CACNA1B: variants seen among roughly 807,000 people sequenced by gnomAD.
CACNA1B encodes voltage-dependent N-type calcium channel subunit alpha-1B.
A neutral mutation model predicts 247.2 loss-of-function variants in CACNA1B; 70 were observed. That is an observed-to-expected ratio of 0.28 (90% confidence interval 0.23 to 0.35). The LOEUF is 0.35. Ranked by LOEUF, CACNA1B falls within the 10% of genes least tolerant of loss-of-function variation. CACNA1B has a pLI of 1.00. For missense variants in CACNA1B, 2,367 were observed against 3,197.4 expected (o/e 0.74, Z 6.26); for synonymous variants, 1,231 against 1,294.4 (o/e 0.95, Z 1.05).
At chr9:138,044,946 GAC>G (rs1959170200) in intron 21 of CACNA1B, among the ~76,000 whole-genome samples, 1 of 152,234 alleles carries the variant, frequency 6.6e-6, no homozygotes, top group African/African-American at 2.4e-5. Flanking sequence ...TGTCAGGACT[GAC>G]AGTGCAGTGG....
At chr9:137,949,087 GTGGT>G (rs1957837555) in intron 6 of CACNA1B, among the ~76,000 whole-genome samples, 3 of 14,166 alleles carry the variant, frequency 2.1e-4, no homozygotes, top group East Asian at 1.9e-3. Context: ...TGGTGTGTGT[GTGGT>G]GTGTGCATGT....
chr9:138,001,252 A>C (rs1958573277), intron 15 of CACNA1B, among the ~76,000 whole-genome samples: 1 of 152,246 alleles, frequency 6.6e-6, no homozygotes, highest in South Asian at 2.1e-4. Flanking sequence ...GATAAAAAAA[A>C]GTCATACTAA....
chr9:137,879,176 G>T lies in CACNA1B; in HGVS notation c.390+17G>T. Reference sequence around the variant, plus strand: ...GAGCGGCTGGTGAGTGCCCGGCTGGGCCTGAGGGCAGGGTGGTGGGGAGGC... The same window carrying T: ...GAGCGGCTGGTGAGTGCCCGGCTGGTCCTGAGGGCAGGGTGGTGGGGAGGC... On this transcript the variant is annotated intron_variant, in intron 2 of 46. Coordinates refer to ENST00000371372, the MANE Select transcript of CACNA1B (RefSeq NM_000718.4). The T allele has an allele frequency of 6.4e-7, 1 of 1,551,436 alleles. No individual in the cohort carries two copies.
rs1028882050 is a variant in CACNA1B at position 138,124,553 on chromosome 9, A to G, written c.*2554A>G. ...TTTGGATTCTGCTGTTGTTTCTACA[A>G]TGACATTTTGTATGAAGCAAAGTCC... On this transcript the variant is annotated 3_prime_UTR_variant, in exon 47 of 47. Transcript: ENST00000371372. The G allele has an allele frequency of 1.3e-5, 2 of 152,222 alleles. No homozygotes were observed. The highest frequency in any genetic ancestry group is 2.4e-5 in the African/African-American group (1 of 41,456). 9.4% of individuals were successfully genotyped at this position (152,222 alleles called of 1,614,324 possible). A position where few individuals can be genotyped will look rare whatever the true frequency, so the allele number is the denominator to read the frequency against.
rs1957896395 is a variant in CACNA1B at position 137,952,984 on chromosome 9, T to C, written c.1070+607T>C. Among the ~76,000 whole-genome samples the C allele has an allele frequency of 6.6e-6, 1 of 152,132 alleles. No homozygotes were observed. The highest frequency in any genetic ancestry group is 1.5e-5 in the Non-Finnish European group (1 of 68,002). ...CACTTCCTCTCAGGTCACCTCTTTGTGCCAAGCTACTCCAGGGGATGGTGA... is the reference window on the plus strand; with the variant it reads ...CACTTCCTCTCAGGTCACCTCTTTGCGCCAAGCTACTCCAGGGGATGGTGA... On this transcript the variant is annotated intron_variant, in intron 7 of 46. Transcript: ENST00000371372. This position sits in a 1 kb window ranked among gnomAD's most constrained non-coding sequence, Gnocchi z 4.8.
At chr9:138,070,718 T>G (rs981123644) in intron 32 of CACNA1B, among the ~76,000 whole-genome samples, 1 of 152,242 alleles carries the variant, frequency 6.6e-6, no homozygotes, top group Non-Finnish European at 1.5e-5. Flanking sequence ...CTCGTGCCAG[T>G]CAGGCCTCTG....
chr9:138,120,492 C>T, intron 45 of CACNA1B, 120 bp downstream of exon 45: 1 of 1,366,896 alleles, frequency 7.3e-7, no homozygotes, highest in South Asian at 1.4e-5. Flanking sequence ...CCAGCCAGAG[C>T]AGGGTGGGAC....
chr9:137,903,091 A>G lies in CACNA1B; in HGVS notation c.531-10089A>G, dbSNP rs1186876962. ...GAGCTTTGTTTTTCCTGTAAATTAT[A>G]CTATTAAAAAACTCTTCACCGGTGG... On this transcript the variant is annotated intron_variant, in intron 3 of 46. Coordinates refer to ENST00000371372, the MANE Select transcript of CACNA1B (RefSeq NM_000718.4). 3.3e-5 allele frequency among the ~76,000 whole-genome samples: 5 copies of G among 152,268 alleles called. No individual in the cohort carries two copies. The East Asian group carries it at 9.6e-4, about 29-fold the overall frequency.
At chr9:138,110,233 G>C (rs1296306375) in intron 39 of CACNA1B, among the ~76,000 whole-genome samples, 6 of 151,916 alleles carry the variant, frequency 3.9e-5, no homozygotes, top group African/African-American at 1.2e-4. Flanking sequence ...CTCTGCCTCA[G>C]CCTCCCAAGT....
At position 138,059,548 on chromosome 9, in the gene CACNA1B, C is replaced by A; in HGVS notation, c.4585-106C>A. 1 of 752,272 alleles carries A rather than the reference C, an allele frequency of 1.3e-6. No individual in the cohort carries two copies. 46.6% of individuals were successfully genotyped at this position (752,272 alleles called of 1,614,324 possible). On this transcript the variant is annotated intron_variant, in intron 30 of 46. Transcript: ENST00000371372. This position sits in a 1 kb window ranked among gnomAD's most constrained non-coding sequence, Gnocchi z 4.2. ...GGCCTGTCTGCCCTGTGCTCAGGGT[C>A]TATCACCCTCACCGCTTTCTTAATC...
In CACNA1B at chr9:138,115,559, C is replaced by G; in HGVS notation, c.5657C>G (p.Pro1886Arg). ...QAPGGLSQMG[P>R]VSLFHPLKAT... ...CCTTTGCCTCCTTTGCAGATGGGTC[C>G]TGTGTCCCTGTTCCACCCTCTGAAG... The change falls in exon 42 of 47, where the codon CCT becomes CGT. Residue 1886 changes from proline (P) to arginine (R), a missense_variant. This residue lies in a region of CACNA1B where 773 missense variants were observed against 779.4 expected (regional missense o/e 0.99). Coordinates refer to ENST00000371372, the MANE Select transcript of CACNA1B (RefSeq NM_000718.4). 6.2e-7 allele frequency: 1 copy of G among 1,613,272 alleles called. No individual in the cohort carries two copies. Among genetic ancestry groups the G allele is most frequent in the South Asian group, 1.1e-5 (1 of 90,978 alleles).
chr9:138,089,209 G>A lies in CACNA1B; in HGVS notation c.5095-7275G>A, dbSNP rs553414447. Among the ~76,000 whole-genome samples the A allele has an allele frequency of 1.1e-4, 17 of 152,004 alleles. No individual in the cohort carries two copies. The South Asian group carries it at 3.3e-3, about 30-fold the overall frequency. On this transcript the variant is annotated intron_variant, in intron 36 of 46. Transcript: ENST00000371372. ...AAACAAAAAACACTAGAAAGAAAAA[G>A]GAAACTATAGGCCAATATTTCTGAT...
At chr9:138,017,832 T>C (rs1033874162) in intron 18 of CACNA1B, among the ~76,000 whole-genome samples, 2 of 152,242 alleles carry the variant, frequency 1.3e-5, no homozygotes, top group Non-Finnish European at 2.9e-5. Flanking sequence ...CATGGATGGC[T>C]GGTCCGCAGG....
chr9:137,983,219 C>T (rs1347306720), intron 12 of CACNA1B, among the ~76,000 whole-genome samples: 1 of 152,150 alleles, frequency 6.6e-6, no homozygotes, highest in African/African-American at 2.4e-5. Context: ...TTCTCCACAC[C>T]AGTTGCAGAA....
intron 42 of CACNA1B, among the ~76,000 whole-genome samples, chr9:138,116,427 A>G (rs1589137482): frequency 6.6e-6 from 1 of 152,092 alleles, no homozygotes; most frequent in African/African-American, 2.4e-5. Context: ...AAATCTCAGG[A>G]CCCAGATCCT....
intron 6 of CACNA1B, among the ~76,000 whole-genome samples, chr9:137,925,405 G>A (rs1331212803): frequency 6.6e-6 from 1 of 152,154 alleles, no homozygotes; most frequent in African/African-American, 2.4e-5. Flanking sequence ...ATGCCTCTAA[G>A]TTCTTATCTC....
intron 36 of CACNA1B, among the ~76,000 whole-genome samples, chr9:138,082,573 C>T (rs1341860255): frequency 6.6e-6 from 1 of 151,434 alleles, no homozygotes; most frequent in East Asian, 2.0e-4. Context: ...GTTTACACTT[C>T]CATTTAGGTT....
chr9:138,044,748 C>T (rs954305190), intron 21 of CACNA1B, among the ~76,000 whole-genome samples: 8 of 152,232 alleles, frequency 5.3e-5, no homozygotes, highest in African/African-American at 1.2e-4. Context: ...TACCCCTGTT[C>T]GTTACCGATC....
chr9:138,033,821 A>G (rs1333438688), intron 20 of CACNA1B, among the ~76,000 whole-genome samples: 1 of 152,178 alleles, frequency 6.6e-6, no homozygotes, highest in Non-Finnish European at 1.5e-5. Context: ...AACCACCCCC[A>G]TGATCCAATT....
Sources: gnomAD v4.1 joint callset for allele counts (sites outside exome capture counted in the v4.1 genomes callset) on GRCh38, gnomAD v4.1.1 for gene constraint, gnomAD v4.1.1 regional missense constraint, Gnocchi (gnomAD v3.1) non-coding constraint, MANE v1.5 for transcripts, NCBI Gene and HGNC (gene_info 2026-07-23, HGNC 2026-07-21) for gene names.